KIF1B: variants seen among roughly 807,000 people sequenced by gnomAD.
KIF1B encodes kinesin family member 1B.
In KIF1B, 76 loss-of-function variants were observed where a neutral mutation model predicts 241.9. That is an observed-to-expected ratio of 0.31 (90% CI 0.26 to 0.38). The LOEUF (loss-of-function observed/expected upper bound fraction) is 0.38, where lower values mean the gene tolerates loss of function less well. Ranked by LOEUF, KIF1B falls within the 10% of genes least tolerant of loss-of-function variation. KIF1B has a pLI of 1.00. For synonymous variants in KIF1B, 750 were observed against 796.7 expected (o/e 0.94, Z 0.99); for missense variants, 1,622 against 2,271.4 (o/e 0.71, Z 5.81).
chr1:10,304,505 G>T (rs777297036), intron 22 of KIF1B: 2 of 1,612,782 alleles, frequency 1.2e-6, no homozygotes, highest in Non-Finnish European at 1.7e-6. Flanking sequence ...AACACTGGAG[G>T]TCAGTTAGAG....
intron 16 of KIF1B, among the ~76,000 whole-genome samples, chr1:10,291,406 G>C (rs956797235): frequency 2.6e-5 from 4 of 152,068 alleles, no homozygotes; most frequent in Admixed American, 6.6e-5. Context: ...TGTTGCTAGG[G>C]ATTCATAAAA....
At chr1:10,280,619 C>CT (rs1362293902) in intron 14 of KIF1B, among the ~76,000 whole-genome samples, 3 of 152,290 alleles carry the variant, frequency 2.0e-5, no homozygotes, top group Admixed American at 6.5e-5. Flanking sequence ...AAACATAGCC[C>CT]TGGCTGTGGT....
chr1:10,302,138 T>G (rs758664521), intron 22 of KIF1B, among the ~76,000 whole-genome samples: 3 of 152,390 alleles, frequency 2.0e-5, no homozygotes, highest in Non-Finnish European at 4.4e-5. Flanking sequence ...ATCTCTAAGT[T>G]GTACTTATTA....
rs539905741 is a variant in KIF1B, at chr1:10,380,085, T to C, written c.*3498T>C. ...ATTTCAGATGAAGGAACTAAGTCATTGTGAACTGTCTCTTGAGATCTAAAA... is the reference window on the plus strand; with the variant it reads ...ATTTCAGATGAAGGAACTAAGTCATCGTGAACTGTCTCTTGAGATCTAAAA... On this transcript the variant is annotated 3_prime_UTR_variant, in exon 49 of 49. Transcript: ENST00000676179. 37 of 228,510 alleles carry C rather than the reference T, an allele frequency of 1.6e-4. No individual in the cohort carries two copies. Among genetic ancestry groups the C allele is most frequent in the African/African-American group, 7.5e-4 (34 of 45,136 alleles). The allele number at this position is 228,510 out of a possible 1,614,324, so 14.2% of individuals were successfully genotyped here.
intron 22 of KIF1B, chr1:10,306,094 A>AT (rs1191641326): frequency 4.8e-6 from 5 of 1,042,046 alleles, no homozygotes; most frequent in Admixed American, 5.6e-5. Flanking sequence ...TAATCATAGT[A>AT]TTTTTTCTTT....
At chr1:10,310,900 T>G (rs1284779076) in intron 22 of KIF1B, among the ~76,000 whole-genome samples, 3 of 151,562 alleles carry the variant, frequency 2.0e-5, no homozygotes, top group Non-Finnish European at 4.4e-5. Context: ...TAGCTGACAA[T>G]GTTTTTGTTT....
At position 10,326,324 on chromosome 1, in the gene KIF1B, T is replaced by C; in HGVS notation, c.2889T>C (p.Phe963=). 1 of 1,614,188 alleles carries C rather than the reference T, an allele frequency of 6.2e-7. No homozygotes were observed. The highest frequency in any genetic ancestry group is 8.5e-7 in the Non-Finnish European group (1 of 1,180,036). ...SDLFSDGHDP[F]YDRSPWFILV... ...TCTTCAGTGACGGGCATGACCCGTT[T>C]TACGACCGATCCCCTTGGTTCATTT... The change falls in exon 27 of 49, where the codon TTT becomes TTC. Residue 963 remains phenylalanine (F), a synonymous_variant. Coordinates refer to ENST00000676179, the MANE Select transcript of KIF1B (RefSeq NM_001365951.3). The surrounding 1 kb of genome is among the most constrained non-coding windows in gnomAD (Gnocchi z 5.2).
rs1191234597 is a variant in KIF1B, at chr1:10,326,277, G to A, written c.2842G>A (p.Gly948Arg). The A allele has an allele frequency of 1.2e-6, 2 of 1,614,216 alleles. No homozygotes were observed. The highest frequency in any genetic ancestry group is 4.5e-5 in the East Asian group (2 of 44,882). ...CGTGGATGACGCCGGCTCTGACGCAGGGACGGAGGAGGGATCAGATCTCTT... is the reference window on the plus strand; with the variant it reads ...CGTGGATGACGCCGGCTCTGACGCAAGGACGGAGGAGGGATCAGATCTCTT... ...AFVDDAGSDA[G>R]TEEGSDLFSD... is the part of the protein sequence containing the mutation. Residue 948 changes from glycine (G) to arginine (R), a missense_variant, in exon 27 of 49, where the codon GGG becomes AGG. Gly to Arg is a moderately radical substitution (Grantham distance 125, BLOSUM62 -2). Coordinates refer to ENST00000676179, the MANE Select transcript of KIF1B (RefSeq NM_001365951.3). This position sits in a 1 kb window ranked among gnomAD's most constrained non-coding sequence, Gnocchi z 5.2.
intron 27 of KIF1B, among the ~76,000 whole-genome samples, chr1:10,331,137 C>G (rs907582579): frequency 6.6e-6 from 1 of 151,558 alleles, no homozygotes; most frequent in Non-Finnish European, 1.5e-5. Flanking sequence ...GTGTAGGCAT[C>G]GAGTGCAGAG....
intron 2 of KIF1B, among the ~76,000 whole-genome samples, chr1:10,252,372 G>T (rs1467013331): frequency 1.3e-5 from 2 of 148,994 alleles, no homozygotes; most frequent in African/African-American, 5.0e-5. Context: ...GAGGTTCTTT[G>T]TTTTTGTGGG....
intron 22 of KIF1B, chr1:10,308,345 C>T: frequency 9.5e-7 from 1 of 1,053,306 alleles, no homozygotes; most frequent in Non-Finnish European, 1.1e-6. Context: ...AAAATCTGTT[C>T]TAGATATTCT....
At chr1:10,219,831 G>C (rs1254175313) in intron 1 of KIF1B, among the ~76,000 whole-genome samples, 3 of 152,148 alleles carry the variant, frequency 2.0e-5, no homozygotes, top group Non-Finnish European at 2.9e-5. Context: ...ACTTTGGGAG[G>C]CCTAGGTGAG....
intron 2 of KIF1B, among the ~76,000 whole-genome samples, chr1:10,254,296 A>G (rs1037955737): frequency 3.9e-5 from 6 of 152,198 alleles, no homozygotes; most frequent in African/African-American, 1.4e-4. Context: ...AATGTGGTTC[A>G]TTTCCAAATT....
At chr1:10,251,244 A>G (rs1278107409) in intron 2 of KIF1B, among the ~76,000 whole-genome samples, 1 of 152,178 alleles carries the variant, frequency 6.6e-6, no homozygotes, top group Non-Finnish European at 1.5e-5. Context: ...AGAAGCTTTA[A>G]AAGTCTGGGA....
intron 2 of KIF1B, among the ~76,000 whole-genome samples, chr1:10,243,399 A>T (rs904585357): frequency 6.6e-6 from 1 of 152,262 alleles, no homozygotes. Flanking sequence ...AGCCTGGGTG[A>T]CAGAACAAGA....
At chr1:10,222,281 G>C (rs935228428) in intron 1 of KIF1B, among the ~76,000 whole-genome samples, 2 of 152,158 alleles carry the variant, frequency 1.3e-5, no homozygotes, top group African/African-American at 4.8e-5. Context: ...AAGGGAGATT[G>C]GGCTCCTAGG....
chr1:10,283,206 C>CAAAAAAAAAAAA (rs33994771), intron 15 of KIF1B, among the ~76,000 whole-genome samples: 1 of 61,570 alleles, frequency 1.6e-5, no homozygotes, highest in Non-Finnish European at 3.2e-5. Context: ...GACTCCGTCT[C>CAAAAAAAAAAAA]AAAAAAAAAA....
chr1:10,252,122 C>T (rs943884837), intron 2 of KIF1B, among the ~76,000 whole-genome samples: 1 of 152,088 alleles, frequency 6.6e-6, no homozygotes, highest in Non-Finnish European at 1.5e-5. Context: ...TCACTGCAAC[C>T]TCTGCCTCCC....
chr1:10,280,039 A>G (rs1159636753), intron 14 of KIF1B, among the ~76,000 whole-genome samples: 1 of 152,100 alleles, frequency 6.6e-6, no homozygotes, highest in Non-Finnish European at 1.5e-5. Flanking sequence ...AAAATAACTT[A>G]GGTGTCTAAA....
Sources: allele counts gnomAD v4.1 joint callset (sites outside exome capture counted in the v4.1 genomes callset), GRCh38; gene constraint gnomAD v4.1.1; non-coding constraint Gnocchi (gnomAD v3.1); transcripts MANE v1.5; gene names NCBI Gene and HGNC (gene_info 2026-07-23, HGNC 2026-07-21).